The following LAMTOR3 variants were observed in gnomAD, a reference collection of about 807,000 sequenced individuals.
The protein encoded by LAMTOR3 is ragulator complex protein LAMTOR3.
A neutral mutation model predicts 20.3 loss-of-function variants in LAMTOR3; 14 were observed. The ratio of observed to expected loss-of-function variants is 0.69; its 90% CI spans 0.46 to 1.08. The LOEUF (loss-of-function observed/expected upper bound fraction) is 1.08. Ranked by LOEUF, LAMTOR3 falls within the 50% of genes least tolerant of loss-of-function variation. The pLI, the probability that LAMTOR3 is intolerant of heterozygous loss-of-function variation, is 0.00. For missense variants in LAMTOR3, 125 were observed against 143.7 expected (o/e 0.87, Z 0.67); for synonymous variants, 40 against 49.4 (o/e 0.81, Z 0.80).
chr4:99,887,471 A>C, intron 3 of LAMTOR3, 117 bp from the exon 4 acceptor site: 4 of 374,330 alleles, frequency 1.1e-5, no homozygotes, highest in Non-Finnish European at 1.8e-5. Flanking sequence ...AATAATTCTC[A>C]TGTATTTTCT....
In LAMTOR3 at chr4:99,887,305, C is replaced by A. The variant is rs1190317390; in HGVS notation, c.94G>T (p.Val32Phe). The change falls in exon 4 of 7, where the codon GTT becomes TTT. Residue 32 changes from valine (V) to phenylalanine (F), a missense_variant. Transcript: ENST00000499666. ...IVVSDRDGVPVIKVANDNAPE... is the reference protein window; with the variant it reads ...IVVSDRDGVPFIKVANDNAPE... ...AAATGTTCAGTTTTACCTTTAATAACAGGTACTCCATCTCTATCTGACACA... is the reference window on the plus strand; with the variant it reads ...AAATGTTCAGTTTTACCTTTAATAAAAGGTACTCCATCTCTATCTGACACA... 2 of 1,565,112 alleles carry A rather than the reference C, an allele frequency of 1.3e-6. No individual in the cohort carries two copies. Among genetic ancestry groups the A allele is most frequent in the Admixed American group, 1.8e-5 (1 of 55,062 alleles).
At chr4:99,888,288 T>C (rs910019706) in intron 3 of LAMTOR3, among the ~76,000 whole-genome samples, 2 of 152,236 alleles carry the variant, frequency 1.3e-5, no homozygotes, top group Admixed American at 6.5e-5. Flanking sequence ...ATGTAAAGTG[T>C]AGGCTGGCAC....
chr4:99,881,913 T>C lies in LAMTOR3; in HGVS notation c.*81A>G, dbSNP rs1724834503. On this transcript the variant is annotated 3_prime_UTR_variant, in exon 7 of 7. Coordinates refer to ENST00000499666, the MANE Select transcript of LAMTOR3 (RefSeq NM_021970.4). ...CCTTTCTTGAGCACATGGATAAAAG[T>C]ATTATTGTAGTCTAAAGATTGCTGG... 4 of 966,052 alleles carry C rather than the reference T, an allele frequency of 4.1e-6. No homozygotes were observed. Among genetic ancestry groups the C allele is most frequent in the African/African-American group, 1.6e-5 (1 of 61,002 alleles). The allele number at this position is 966,052 out of a possible 1,614,324, so 59.8% of individuals were successfully genotyped here.
chr4:99,894,047 C>T (rs13141071), intron 1 of LAMTOR3, 47 bp from the exon 2 acceptor site: 27,060 of 1,222,824 alleles, frequency 0.022, 349 homozygotes, highest in Non-Finnish European at 0.026. Context: ...GCTTCCTCGT[C>T]CTCCCCACCC....
At chr4:99,885,698 TA>T in intron 4 of LAMTOR3, 23 bp from the exon 5 acceptor site, 1 of 1,602,266 alleles carries the variant, frequency 6.2e-7, no homozygotes, top group Non-Finnish European at 8.5e-7. Flanking sequence ...GTGATTTAAA[TA>T]AAAATTATGC....
intron 2 of LAMTOR3, among the ~76,000 whole-genome samples, chr4:99,892,639 T>A (rs903960870): frequency 2.0e-5 from 3 of 151,974 alleles, no homozygotes; most frequent in Non-Finnish European, 4.4e-5. Context: ...ATATTTTGTT[T>A]AAGGACCTAA....
chr4:99,882,042 T>C lies in LAMTOR3; in HGVS notation c.327A>G (p.Glu109=). Residue 109 remains glutamate (E), a synonymous_variant, in exon 7 of 7, where the codon GAA becomes GAG. Coordinates refer to ENST00000499666, the MANE Select transcript of LAMTOR3 (RefSeq NM_021970.4). ...NTGLIVSLEK[E]LAPLFEELRQ... ...TCAGTTCTTCAAACAATGGAGCAAG[T>C]TCCTTTTCTAGGCTGACAATTAGTC... is the stretch of plus-strand genomic sequence containing the variant. 3 of 1,591,548 alleles carry C rather than the reference T, an allele frequency of 1.9e-6. No homozygotes were observed. The highest frequency in any genetic ancestry group is 1.2e-5 in the South Asian group (1 of 86,842).
intron 3 of LAMTOR3, among the ~76,000 whole-genome samples, chr4:99,888,461 T>C (rs1000449431): frequency 2.0e-5 from 3 of 152,160 alleles, no homozygotes; most frequent in Admixed American, 1.3e-4. Context: ...TGTTAAAAAA[T>C]ATAAGGTGAC....
intron 2 of LAMTOR3, among the ~76,000 whole-genome samples, chr4:99,892,602 G>A (rs1411325790): frequency 6.6e-6 from 1 of 151,804 alleles, no homozygotes; most frequent in Admixed American, 6.6e-5. Flanking sequence ...ACAGTGTAAG[G>A]CATATTATTA....
rs1724930569 is a variant in LAMTOR3 at position 99,886,634 on chromosome 4, C to T, written c.103+662G>A. Among the ~76,000 whole-genome samples the T allele has an allele frequency of 2.0e-5, 3 of 152,260 alleles. No individual in the cohort carries two copies. In the South Asian group the frequency reaches 6.2e-4, roughly 32 times the overall value. On this transcript the variant is annotated intron_variant, in intron 4 of 6. Transcript: ENST00000499666. ...GAACTACATTAGTTGACTTCTAAAC[C>T]TCCTTTCATTTCTAAAGTCTAAAAT...
Position 99,893,971 on chromosome 4 carries a change from C to T in LAMTOR3, c.-8G>A, listed in dbSNP as rs1347127141. ...GTCACTCACATCCGCCATGATGAACCCCCTTCTCTCGCAGGATCAATCTCC... is the reference window on the plus strand; with the variant it reads ...GTCACTCACATCCGCCATGATGAACTCCCTTCTCTCGCAGGATCAATCTCC... On this transcript the variant is annotated 5_prime_UTR_variant, in exon 2 of 7. Coordinates refer to ENST00000499666, the MANE Select transcript of LAMTOR3 (RefSeq NM_021970.4). The T allele has an allele frequency of 3.2e-6, 5 of 1,550,748 alleles. No homozygotes were observed. The African/African-American group carries it at 5.5e-5, about 17-fold the overall frequency.
At chr4:99,885,842 G>A (rs1199606651) in intron 4 of LAMTOR3, among the ~76,000 whole-genome samples, 167 bp from the exon 5 acceptor site, 1 of 151,956 alleles carries the variant, frequency 6.6e-6, no homozygotes, top group Non-Finnish European at 1.5e-5. Flanking sequence ...AGGAAAAACT[G>A]CTCAATCAAA....
intron 4 of LAMTOR3, 64 bp downstream of exon 4, chr4:99,887,232 G>A (rs1238282236): frequency 1.3e-4 from 139 of 1,078,870 alleles, no homozygotes; most frequent in African/African-American, 1.6e-5. Context: ...CTACTCAGAT[G>A]TAAATTACAC....
chr4:99,889,798 A>C (rs1228952510), intron 3 of LAMTOR3, among the ~76,000 whole-genome samples: 1 of 152,200 alleles, frequency 6.6e-6, no homozygotes, highest in Non-Finnish European at 1.5e-5. Context: ...GACCACAAAA[A>C]TGTTTAGAAA....
intron 1 of LAMTOR3, 128 bp from the exon 2 acceptor site, chr4:99,894,128 G>A (rs958917888): frequency 7.5e-6 from 4 of 534,584 alleles, no homozygotes; most frequent in Non-Finnish European, 1.3e-5. Context: ...GCTTGGCCCA[G>A]CGAGCCCAGT....
At chr4:99,889,003 G>C (rs1384915732) in intron 3 of LAMTOR3, among the ~76,000 whole-genome samples, 2 of 152,138 alleles carry the variant, frequency 1.3e-5, no homozygotes, top group Non-Finnish European at 2.9e-5. Context: ...TCAGGAGTTT[G>C]AGACCAGCCT....
At chr4:99,888,533 T>C (rs1337520441) in intron 3 of LAMTOR3, among the ~76,000 whole-genome samples, 1 of 152,240 alleles carries the variant, frequency 6.6e-6, no homozygotes, top group Admixed American at 6.5e-5. Flanking sequence ...CTTATAGTCC[T>C]GTAACTATCT....
intron 3 of LAMTOR3, among the ~76,000 whole-genome samples, chr4:99,891,443 T>C (rs1725020776): frequency 6.6e-6 from 1 of 152,188 alleles, no homozygotes. Context: ...AATCACTACA[T>C]AAATAATTAT....
intron 4 of LAMTOR3, among the ~76,000 whole-genome samples, chr4:99,886,185 C>T (rs375807331): frequency 2.0e-5 from 3 of 152,250 alleles, no homozygotes; most frequent in African/African-American, 7.2e-5. Context: ...ACACAGAGAT[C>T]CTCATGAAGA....
Sources: allele counts gnomAD v4.1 joint callset (sites outside exome capture counted in the v4.1 genomes callset), GRCh38; gene constraint gnomAD v4.1.1; transcripts MANE v1.5; gene names NCBI Gene and HGNC (gene_info 2026-07-23, HGNC 2026-07-21).